The following ARAP2 variants were observed in gnomAD, a reference collection of about 807,000 sequenced individuals.
ARAP2 encodes the protein ArfGAP with RhoGAP domain, ankyrin repeat and PH domain 2.
Under a neutral mutation model 194.5 loss-of-function variants are expected in ARAP2, and 148 were observed. The observed-to-expected ratio is 0.76, with a 90% CI of 0.67 to 0.87. ARAP2 has a LOEUF of 0.87. ARAP2 is among the 40% of genes least tolerant of loss of function. The pLI is 0.00. For missense variants in ARAP2, 2,128 were observed against 1,989.7 expected (o/e 1.07, Z -1.32); for synonymous variants, 695 against 683.5 (o/e 1.02, Z -0.26).
chr4:36,063,897 T>G (rs1724885703), downstream of ARAP2, among the ~76,000 whole-genome samples: 1 of 152,236 alleles, frequency 6.6e-6, no homozygotes, highest in Non-Finnish European at 1.5e-5. Context: ...AAGATGCAAA[T>G]ATCTGCATGC....
intron 2 of ARAP2, among the ~76,000 whole-genome samples, chr4:36,215,468 A>C (rs568543642): frequency 6.6e-6 from 1 of 152,364 alleles, no homozygotes; most frequent in Admixed American, 6.5e-5. Flanking sequence ...CCAAATGTTT[A>C]ATGCTACAAC....
chr4:36,081,329 G>A (rs1729495305), intron 30 of ARAP2, among the ~76,000 whole-genome samples: 1 of 152,138 alleles, frequency 6.6e-6, no homozygotes, highest in South Asian at 2.1e-4. Context: ...TCATCAGGGG[G>A]AGAATGAAAG....
At chr4:36,017,386 C>T (rs1716016073) in intron 6 of ARAP2, among the ~76,000 whole-genome samples, 1 of 150,656 alleles carries the variant, frequency 6.6e-6, no homozygotes, top group Admixed American at 6.6e-5. Context: ...GGGGAAGAGA[C>T]AGAAAACAAT....
intron 5 of ARAP2, among the ~76,000 whole-genome samples, chr4:36,028,544 T>C (rs1350146525): frequency 6.6e-6 from 1 of 151,926 alleles, no homozygotes; most frequent in East Asian, 1.9e-4. Context: ...ATTTTCCTAT[T>C]CGATTTGTAA....
At chr4:36,156,457 GAAAGA>G (rs1311158538) in intron 15 of ARAP2, among the ~76,000 whole-genome samples, 2,993 of 34,998 alleles carry the variant, frequency 0.086, 255 homozygotes, top group African/African-American at 0.21. Flanking sequence ...AAGAAAGAAA[GAAAGA>G]AAGAAATGAA....
intron 16 of ARAP2, among the ~76,000 whole-genome samples, chr4:36,149,793 T>C (rs967410733): frequency 6.6e-6 from 1 of 152,100 alleles, no homozygotes; most frequent in Non-Finnish European, 1.5e-5. Flanking sequence ...TCAAATCAGA[T>C]TTACTATAAA....
At chr4:36,185,816 A>G (rs537492035) in intron 8 of ARAP2, among the ~76,000 whole-genome samples, 21 of 151,330 alleles carry the variant, frequency 1.4e-4, no homozygotes, top group Admixed American at 5.3e-4. Flanking sequence ...TCTCTACTAG[A>G]TACAAAAAAA....
Position 36,113,267 on chromosome 4 carries a change from A to G in ARAP2, c.4156+903T>C, listed in dbSNP as rs941639112. ...ATTGAGGGAGACACTGTGAACTGAC[A>G]TCAAAGTACCATAGTCATTAGATCT... is the stretch of plus-strand genomic sequence containing the variant. On this transcript the variant is annotated intron_variant, in intron 26 of 32. Coordinates refer to ENST00000303965, the MANE Select transcript of ARAP2 (RefSeq NM_015230.4). 4.5e-4 allele frequency among the ~76,000 whole-genome samples: 69 copies of G among 152,096 alleles called. 1 individual carries two copies. The highest frequency in any genetic ancestry group is 1.6e-3 in the African/African-American group (66 of 41,556).
rs760296580 is a variant in ARAP2, at chr4:36,080,211, C to T, written c.4608+5G>A. 5.6e-6 allele frequency: 9 copies of T among 1,611,128 alleles called. No homozygotes were observed. Among genetic ancestry groups the T allele is most frequent in the Admixed American group, 3.3e-5 (2 of 59,930 alleles). On this transcript the variant is annotated splice_donor_5th_base_variant and intron_variant, in intron 31 of 32. Coordinates refer to ENST00000303965, the MANE Select transcript of ARAP2 (RefSeq NM_015230.4). ...TCTACTGGATAGTTCAAACAAATCT[C>T]GTACCTGGGCAATAAAGATACTGGT...
intron 15 of ARAP2, among the ~76,000 whole-genome samples, chr4:36,153,294 G>C (rs892442755): frequency 3.3e-5 from 5 of 152,076 alleles, no homozygotes; most frequent in Non-Finnish European, 7.4e-5. Flanking sequence ...CCATTGATAT[G>C]GGAAGCAATT....
intron 1 of ARAP2, among the ~76,000 whole-genome samples, chr4:36,241,171 T>C (rs1414835504): frequency 2.0e-5 from 3 of 152,206 alleles, no homozygotes; most frequent in Non-Finnish European, 4.4e-5. Context: ...TTTGTATAAG[T>C]GTATATACTC....
At position 36,242,769 on chromosome 4, in the gene ARAP2, C is replaced by T. The variant is rs192378292; in HGVS notation, c.-160+1410G>A. 2.1e-4 allele frequency among the ~76,000 whole-genome samples: 32 copies of T among 152,232 alleles called. No individual in the cohort carries two copies. The East Asian group carries it at 6.2e-3, about 29-fold the overall frequency. ...ACATAAAATCTGACAGGTTTACAGA[C>T]GAAGGAAAAAATACAAACACAAGCA... On this transcript the variant is annotated intron_variant, in intron 1 of 32. Transcript: ENST00000303965.
intron 5 of ARAP2, among the ~76,000 whole-genome samples, chr4:36,019,943 T>C (rs1036614090): frequency 1.3e-5 from 2 of 152,194 alleles, no homozygotes; most frequent in African/African-American, 2.4e-5. Flanking sequence ...GAACCCTATA[T>C]ATACTATGTT....
At chr4:36,228,514 T>C (rs1174978619) in intron 2 of ARAP2, 68 bp downstream of exon 2, 2 of 1,451,818 alleles carry the variant, frequency 1.4e-6, no homozygotes, top group Admixed American at 2.3e-5. Context: ...ACTGAAAATA[T>C]AACTGTTAAA....
intron 27 of ARAP2, among the ~76,000 whole-genome samples, chr4:36,094,583 T>G (rs1714672965): frequency 1.3e-5 from 2 of 152,092 alleles, no homozygotes; most frequent in Non-Finnish European, 2.9e-5. Flanking sequence ...ACAAATAAAA[T>G]TATAGAATTC....
intron 9 of ARAP2, among the ~76,000 whole-genome samples, chr4:36,173,531 C>T (rs1490766986): frequency 6.6e-6 from 1 of 151,528 alleles, no homozygotes; most frequent in Non-Finnish European, 1.5e-5. Flanking sequence ...GAAAAGCAAA[C>T]AAAATAGTTC....
chr4:36,227,136 T>C (rs1013342313), intron 2 of ARAP2, among the ~76,000 whole-genome samples: 13 of 152,194 alleles, frequency 8.5e-5, no homozygotes, highest in African/African-American at 2.7e-4. Flanking sequence ...TCAGATGTAC[T>C]GGTAGGAAAT....
chr4:36,066,404 T>C lies in ARAP2; in HGVS notation c.*1503A>G, dbSNP rs1725467751. 6.6e-6 allele frequency: 1 copy of C among 152,172 alleles called. No homozygotes were observed. The highest frequency in any genetic ancestry group is 2.4e-5 in the African/African-American group (1 of 41,442). 9.4% of individuals were successfully genotyped at this position (152,172 alleles called of 1,614,324 possible). ...TTCTAATTTACTTTGATTTAAAGAA[T>C]AAATATCTCATACCCATGGTGAACT... On this transcript the variant is annotated 3_prime_UTR_variant, in exon 33 of 33. Transcript: ENST00000303965.
chr4:36,107,093 A>G (rs1182202133), intron 27 of ARAP2, among the ~76,000 whole-genome samples: 1 of 151,978 alleles, frequency 6.6e-6, no homozygotes, highest in Non-Finnish European at 1.5e-5. Flanking sequence ...TTGGATGGGA[A>G]GCATTCTTAC....
Sources: allele counts gnomAD v4.1 joint callset (sites outside exome capture counted in the v4.1 genomes callset), GRCh38; gene constraint gnomAD v4.1.1; transcripts MANE v1.5; gene names NCBI Gene and HGNC (gene_info 2026-07-23, HGNC 2026-07-21).